ARHGEF16: variants seen among roughly 807,000 people sequenced by gnomAD.
ARHGEF16 encodes the protein Rho guanine nucleotide exchange factor 16, also known as Rho guanine exchange factor (GEF) 16.
In ARHGEF16, 59 loss-of-function variants were observed where a neutral mutation model predicts 74.1. The observed-to-expected ratio is 0.80, with a 90% CI of 0.65 to 0.99. The LOEUF (loss-of-function observed/expected upper bound fraction) is 0.99, where lower values mean the gene tolerates loss of function less well. Ranked by LOEUF, ARHGEF16 falls within the 50% of genes least tolerant of loss-of-function variation. The pLI, the probability that ARHGEF16 is intolerant of heterozygous loss-of-function variation, is 0.00. For synonymous variants in ARHGEF16, 415 were observed against 412.6 expected (o/e 1.01, Z -0.07); for missense variants, 948 against 986.6 (o/e 0.96, Z 0.52).
At chr1:3,459,304 G>A (rs774318276) in intron 1 of ARHGEF16, among the ~76,000 whole-genome samples, 5 of 152,198 alleles carry the variant, frequency 3.3e-5, no homozygotes, top group East Asian at 1.9e-4. Context: ...GTTGTGATCC[G>A]AGAAAGAGAT....
intron 6 of ARHGEF16, among the ~76,000 whole-genome samples, chr1:3,472,604 C>T (rs1557694718): frequency 1.3e-5 from 2 of 152,236 alleles, no homozygotes; most frequent in East Asian, 3.9e-4. Flanking sequence ...GCTCTTGTGC[C>T]TGTCCCCTGA....
At chr1:3,468,329 G>T (rs1260674400) in intron 4 of ARHGEF16, among the ~76,000 whole-genome samples, 2 of 152,232 alleles carry the variant, frequency 1.3e-5, no homozygotes, top group Non-Finnish European at 2.9e-5. Context: ...CTGCAGAGGG[G>T]ACCCCTGGGC....
intron 14 of ARHGEF16, 46 bp downstream of exon 14, chr1:3,479,959 G>A (rs533135210): frequency 8.8e-6 from 14 of 1,584,854 alleles, no homozygotes; most frequent in African/African-American, 5.4e-5. Flanking sequence ...ACGGACAGGC[G>A]GGCGTGAGTC....
chr1:3,456,362 C>T (rs1293212533), intron 1 of ARHGEF16, among the ~76,000 whole-genome samples: 10 of 152,224 alleles, frequency 6.6e-5, no homozygotes, highest in Admixed American at 5.9e-4. Flanking sequence ...GCGCTCCCCG[C>T]GAGTTTGGGT....
intron 1 of ARHGEF16, among the ~76,000 whole-genome samples, chr1:3,462,420 G>A (rs1196436676): frequency 6.6e-6 from 1 of 152,192 alleles, no homozygotes; most frequent in Non-Finnish European, 1.5e-5. Context: ...ACAGGCCTGG[G>A]CTCGGGCCGG....
chr1:3,457,230 C>T (rs1204086621), intron 1 of ARHGEF16, among the ~76,000 whole-genome samples: 2 of 152,230 alleles, frequency 1.3e-5, no homozygotes, highest in Non-Finnish European at 2.9e-5. Context: ...GCAGAATTAC[C>T]GGAGTACAAG....
At chr1:3,470,114 C>CAT (rs1639665278) in intron 6 of ARHGEF16, among the ~76,000 whole-genome samples, 1 of 150,426 alleles carries the variant, frequency 6.6e-6, no homozygotes, top group Non-Finnish European at 1.5e-5. Context: ...GGTGTGTGTG[C>CAT]GTGGGTGTGT....
intron 4 of ARHGEF16, 169 bp from the exon 5 acceptor site, chr1:3,468,711 G>A (rs1639618574): frequency 1.4e-5 from 10 of 701,334 alleles, no homozygotes; most frequent in African/African-American, 3.5e-5. Flanking sequence ...GGAAGGTGAC[G>A]GGGATAGGCC....
chr1:3,466,901 C>T, intron 3 of ARHGEF16: 1 of 395,272 alleles, frequency 2.5e-6, no homozygotes. Context: ...AGCAGCGATG[C>T]CCCACGTCTC....
rs200395474 is a variant in ARHGEF16 at position 3,477,858 on chromosome 1, C to T, written c.1474-17C>T. 1.2e-4 allele frequency: 187 copies of T among 1,602,546 alleles called. 1 individual carries two copies. The African/African-American group carries it at 2.1e-3, about 18-fold the overall frequency. ...GTCCCTCGCACTGATCTCCGCCTCC[C>T]GGCTCTGTCCCCCCAGTCCCTCCCA... On this transcript the variant is annotated splice_polypyrimidine_tract_variant and intron_variant, in intron 10 of 14. Transcript: ENST00000378378.
chr1:3,457,659 C>T (rs1171428600), intron 1 of ARHGEF16, among the ~76,000 whole-genome samples: 1 of 152,242 alleles, frequency 6.6e-6, no homozygotes, highest in Non-Finnish European at 1.5e-5. Context: ...AGGCCAAGTA[C>T]GGACAGGAAC....
intron 1 of ARHGEF16, among the ~76,000 whole-genome samples, 159 bp downstream of exon 1, chr1:3,454,970 G>C (rs963184213): frequency 1.3e-4 from 20 of 152,058 alleles, no homozygotes; most frequent in African/African-American, 7.2e-5. Flanking sequence ...ACAACTTCGC[G>C]ACCCTCCTGG....
In ARHGEF16 at chr1:3,479,598, C is replaced by T. The variant is rs778969929; in HGVS notation, c.1888+8C>T. 17 of 1,609,722 alleles carry T rather than the reference C, an allele frequency of 1.1e-5. No homozygotes were observed. Among genetic ancestry groups the T allele is most frequent in the Middle Eastern group, 1.6e-4 (1 of 6,072 alleles). On this transcript the variant is annotated splice_region_variant and intron_variant, in intron 13 of 14. Transcript: ENST00000378378. ...GCCTCTCCAGCAAAGGAGGTGAGTG[C>T]GGGCTGGGGCCTGCAGGGCTGGCCC...
At position 3,479,428 on chromosome 1, in the gene ARHGEF16, G is replaced by A. The variant is rs547901883; in HGVS notation, c.1815-89G>A. On this transcript the variant is annotated intron_variant, in intron 12 of 14. Transcript: ENST00000378378. ...CCCACCACCCCCATCTCCTTGCCACGGCCCCCATGGGTGGCTGTCAGAAGT... is the reference window on the plus strand; with the variant it reads ...CCCACCACCCCCATCTCCTTGCCACAGCCCCCATGGGTGGCTGTCAGAAGT... 133 of 1,359,824 alleles carry A rather than the reference G, an allele frequency of 9.8e-5. 1 individual carries two copies. In the African/African-American group the frequency reaches 1.0e-3, roughly 11 times the overall value. 84.2% of individuals were successfully genotyped at this position (1,359,824 alleles called of 1,614,324 possible).
At chr1:3,455,001 G>A (rs1408238178) in intron 1 of ARHGEF16, among the ~76,000 whole-genome samples, 190 bp downstream of exon 1, 2 of 151,996 alleles carry the variant, frequency 1.3e-5, no homozygotes, top group Non-Finnish European at 2.9e-5. Flanking sequence ...GGGCGGGAGA[G>A]GCGGGGCTCG....
Position 3,478,039 on chromosome 1 carries a change from C to T in ARHGEF16, c.1625+13C>T. 1 of 1,612,632 alleles carries T rather than the reference C, an allele frequency of 6.2e-7. No individual in the cohort carries two copies. The highest frequency in any genetic ancestry group is 8.5e-7 in the Non-Finnish European group (1 of 1,179,832). On this transcript the variant is annotated intron_variant, in intron 11 of 14. Coordinates refer to ENST00000378378, the MANE Select transcript of ARHGEF16 (RefSeq NM_014448.4). ...CCAAGAAGAAGAGGTGGCCTTAGGGCAGGAGGGTGTGGGGAGCCCCACTCC... is the reference window on the plus strand; with the variant it reads ...CCAAGAAGAAGAGGTGGCCTTAGGGTAGGAGGGTGTGGGGAGCCCCACTCC...
chr1:3,478,355 G>T, intron 11 of ARHGEF16, 69 bp from the exon 12 acceptor site: 1 of 1,502,342 alleles, frequency 6.7e-7, no homozygotes, highest in Non-Finnish European at 9.0e-7. Context: ...GTGGGACCTG[G>T]ACGGGAGCCC....
Position 3,456,539 on chromosome 1 carries a change from G to A in ARHGEF16, c.-20+1728G>A, listed in dbSNP as rs575221441. Among the ~76,000 whole-genome samples the A allele has an allele frequency of 4.0e-3, 603 of 152,334 alleles. 3 individuals carry two copies. The highest frequency in any genetic ancestry group is 0.014 in the African/African-American group (576 of 41,582). Reference sequence around the variant, plus strand: ...GGGACAGCCATCCAGGTCAGGACAGGGCCTGGCCAGCAGTCCCACCCCCGC... The same window carrying A: ...GGGACAGCCATCCAGGTCAGGACAGAGCCTGGCCAGCAGTCCCACCCCCGC... On this transcript the variant is annotated intron_variant, in intron 1 of 14. Transcript: ENST00000378378.
At chr1:3,474,019 T>C in intron 8 of ARHGEF16, 1 of 222,888 alleles carries the variant, frequency 4.5e-6, no homozygotes, top group South Asian at 7.4e-5. Flanking sequence ...CACGCACACA[T>C]GTATATACAG....
Sources: allele counts gnomAD v4.1 joint callset (sites outside exome capture counted in the v4.1 genomes callset), GRCh38; gene constraint gnomAD v4.1.1; transcripts MANE v1.5; gene names NCBI Gene and HGNC (gene_info 2026-07-23, HGNC 2026-07-21).